Variants in SYT12 observed in about 807,000 individuals in gnomAD.
The protein encoded by SYT12 is synaptotagmin-12.
In SYT12, 27 loss-of-function variants were observed where a neutral mutation model predicts 39.5. The observed-to-expected ratio is 0.68, with a 90% CI of 0.50 to 0.94. The LOEUF is 0.94. Among genes scored for constraint, SYT12 ranks in the 40% least tolerant of loss-of-function variants. The pLI is 0.00. For missense variants in SYT12, 536 were observed against 572.6 expected (o/e 0.94, Z 0.65); for synonymous variants, 233 against 239.7 (o/e 0.97, Z 0.26).
chr11:67,045,136 G>T (rs1950591359), intron 6 of SYT12, among the ~76,000 whole-genome samples: 1 of 152,120 alleles, frequency 6.6e-6, no homozygotes. Context: ...GGGTTGGGGT[G>T]GGTGCCAGGC....
intron 3 of SYT12, 148 bp from the exon 4 acceptor site, chr11:67,039,663 A>T: frequency 1.0e-6 from 1 of 978,252 alleles, no homozygotes; most frequent in East Asian, 2.4e-5. Context: ...TTAAACAGCG[A>T]CCTTCCTAGC....
intron 1 of SYT12, among the ~76,000 whole-genome samples, chr11:67,008,773 C>G (rs1949990524): frequency 6.6e-6 from 1 of 152,096 alleles, no homozygotes; most frequent in Non-Finnish European, 1.5e-5. Context: ...AACTCCTGAC[C>G]TCATGTGATC....
chr11:67,009,356 C>T (rs1280755686), intron 1 of SYT12, among the ~76,000 whole-genome samples: 3 of 151,776 alleles, frequency 2.0e-5, no homozygotes, highest in Non-Finnish European at 2.9e-5. Context: ...GGCAGTGGCT[C>T]GATCTTGGCT....
chr11:67,034,713 G>T lies in SYT12; in HGVS notation c.103G>T (p.Ala35Ser). The T allele has an allele frequency of 6.2e-7, 1 of 1,601,824 alleles. No individual in the cohort carries two copies. Among genetic ancestry groups the T allele is most frequent in the Non-Finnish European group, 8.5e-7 (1 of 1,175,482 alleles). ...AGGGGCCCTGGCCCTGCTGGGAATCGCAGCTGTGAGCCTGTGGAAGCTCTG... is the reference window on the plus strand; with the variant it reads ...AGGGGCCCTGGCCCTGCTGGGAATCTCAGCTGTGAGCCTGTGGAAGCTCTG... The part of the protein sequence containing the change: ...AAGALALLGI[A>S]AVSLWKLWTS... Residue 35 changes from alanine to serine, a missense_variant, in exon 3 of 8, where the codon GCA becomes TCA. Coordinates refer to ENST00000527043, the MANE Select transcript of SYT12 (RefSeq NM_177963.4).
At chr11:67,043,410 G>C (rs2136229910) in intron 4 of SYT12, among the ~76,000 whole-genome samples, 1 of 152,352 alleles carries the variant, frequency 6.6e-6, no homozygotes, top group South Asian at 2.1e-4. Flanking sequence ...GTTGGGATCA[G>C]ATTGTGGGAG....
chr11:67,016,537 T>C (rs1348000510), intron 3 of SYT12, among the ~76,000 whole-genome samples: 1 of 152,228 alleles, frequency 6.6e-6, no homozygotes, highest in Non-Finnish European at 1.5e-5. Context: ...GACTGGTGTT[T>C]CTTTAAATAT....
chr11:67,024,371 G>A (rs1950152984), intron 1 of SYT12, among the ~76,000 whole-genome samples: 1 of 152,226 alleles, frequency 6.6e-6, no homozygotes. Context: ...AGAAGGGTTA[G>A]GACAAGTCCC....
At chr11:67,017,422 C>A (rs531177336) in intron 3 of SYT12, among the ~76,000 whole-genome samples, 1 of 150,116 alleles carries the variant, frequency 6.7e-6, no homozygotes, top group South Asian at 2.1e-4. Flanking sequence ...TGCAGTAGTG[C>A]GAACTAGGCT....
intron 1 of SYT12, among the ~76,000 whole-genome samples, chr11:67,008,620 G>A (rs890715944): frequency 5.9e-5 from 9 of 151,692 alleles, no homozygotes; most frequent in Non-Finnish European, 1.2e-4. Context: ...GCATGAGCTC[G>A]GCTCACTGCA....
intron 1 of SYT12, chr11:67,028,398 T>G (rs1950211162): frequency 6.6e-6 from 1 of 152,116 alleles, no homozygotes; most frequent in Admixed American, 6.5e-5. Flanking sequence ...GGGGGCAGCA[T>G]CAGGAGAACT....
chr11:67,030,067 G>C (rs955408276), intron 1 of SYT12, 55 bp from the exon 2 acceptor site: 17 of 1,573,578 alleles, frequency 1.1e-5, no homozygotes, highest in Non-Finnish European at 1.5e-5. Context: ...CAGGACCTAG[G>C]AGCGGGACGC....
At chr11:67,016,721 G>C (rs1444712334) in intron 3 of SYT12, among the ~76,000 whole-genome samples, 1 of 152,160 alleles carries the variant, frequency 6.6e-6, no homozygotes, top group African/African-American at 2.4e-5. Flanking sequence ...TCTCAGCTGA[G>C]GGTGTCTGGG....
intron 6 of SYT12, among the ~76,000 whole-genome samples, chr11:67,045,441 G>A (rs938068252): frequency 8.5e-5 from 13 of 152,158 alleles, no homozygotes; most frequent in South Asian, 2.1e-4. Context: ...GTCTGCACTC[G>A]GGCCATTTAT....
upstream of SYT12, among the ~76,000 whole-genome samples, chr11:67,018,518 C>T (rs959247840): frequency 6.6e-6 from 1 of 151,592 alleles, no homozygotes; most frequent in African/African-American, 2.4e-5. Flanking sequence ...GAGCAAGATT[C>T]TGTCTCTTAA....
intron 1 of SYT12, among the ~76,000 whole-genome samples, chr11:67,025,022 G>A (rs1316204704): frequency 1.3e-5 from 2 of 152,158 alleles, no homozygotes; most frequent in African/African-American, 4.8e-5. Context: ...GAAGTGGGGG[G>A]CTCTTCCAAC....
At chr11:67,041,893 C>T (rs561935620) in intron 4 of SYT12, among the ~76,000 whole-genome samples, 5 of 152,240 alleles carry the variant, frequency 3.3e-5, no homozygotes, top group South Asian at 4.1e-4. Context: ...GAGAATAAAG[C>T]GTGAGGGGCA....
Position 67,048,707 on chromosome 11 carries a change from G to C in SYT12, c.1216G>C (p.Ala406Pro). 1 of 1,611,226 alleles carries C rather than the reference G, an allele frequency of 6.2e-7. No individual in the cohort carries two copies. The highest frequency in any genetic ancestry group is 8.5e-7 in the Non-Finnish European group (1 of 1,177,848). ...AACCACACATTGGAACCAGATGTTG[G>C]CCACGCTGCGCAGGCCCGTGTCCAT... is the stretch of plus-strand genomic sequence containing the variant. ...MGTTHWNQML[A>P]TLRRPVSMWH... Residue 406 changes from alanine (A) to proline (P), a missense_variant, in exon 8 of 8, where the codon GCC (alanine) becomes CCC (proline). Coordinates refer to ENST00000527043, the MANE Select transcript of SYT12 (RefSeq NM_177963.4).
At chr11:67,041,571 C>T (rs1435312604) in intron 4 of SYT12, among the ~76,000 whole-genome samples, 1 of 152,214 alleles carries the variant, frequency 6.6e-6, no homozygotes, top group East Asian at 1.9e-4. Context: ...TGGCATGGTA[C>T]CCTGGAAGGG....
upstream of SYT12, among the ~76,000 whole-genome samples, chr11:67,018,401 T>G (rs2042232134): frequency 6.6e-6 from 1 of 151,818 alleles, no homozygotes; most frequent in Admixed American, 6.6e-5. Context: ...GACATGTGCC[T>G]GTAGTCCCAG....
Sources: allele counts gnomAD v4.1 joint callset (sites outside exome capture counted in the v4.1 genomes callset), GRCh38; gene constraint gnomAD v4.1.1; transcripts MANE v1.5; gene names NCBI Gene and HGNC (gene_info 2026-07-23, HGNC 2026-07-21).